Variants in ILRUN observed in about 807,000 individuals in gnomAD.
ILRUN encodes protein ILRUN.
A neutral mutation model predicts 33.8 loss-of-function variants in ILRUN; 3 were observed. The observed-to-expected ratio is 0.09, with a 90% CI of 0.04 to 0.23. The LOEUF (loss-of-function observed/expected upper bound fraction) is 0.23, where lower values mean the gene tolerates loss of function less well. Among genes scored for constraint, ILRUN ranks in the 10% least tolerant of loss-of-function variants. The probability of loss-of-function intolerance (pLI) is 1.00; values close to 1 mark genes in which losing one functional copy is unlikely to be tolerated. For synonymous variants in ILRUN, 124 were observed against 138.9 expected (o/e 0.89, Z 0.75); for missense variants, 210 against 375.1 (o/e 0.56, Z 3.64).
At chr6:34,609,368 T>C (rs1761697469) in intron 3 of ILRUN, among the ~76,000 whole-genome samples, 1 of 152,148 alleles carries the variant, frequency 6.6e-6, no homozygotes. Flanking sequence ...TGCACGCCTG[T>C]AGTCTTGGCT....
intron 3 of ILRUN, among the ~76,000 whole-genome samples, chr6:34,645,942 T>C (rs1762554908): frequency 1.3e-5 from 2 of 152,168 alleles, no homozygotes; most frequent in South Asian, 4.1e-4. Context: ...AGAGATGTCC[T>C]ATGAGTCTAA....
intron 1 of ILRUN, chr6:34,685,213 G>A (rs1460010098): frequency 6.6e-6 from 1 of 152,170 alleles, no homozygotes; most frequent in Non-Finnish European, 1.5e-5. Flanking sequence ...ATGAACTGGG[G>A]TGTCCAGAAA....
intron 1 of ILRUN, among the ~76,000 whole-genome samples, chr6:34,694,756 G>GA (rs754920405): frequency 0.017 from 2,477 of 149,382 alleles, 51 homozygotes; most frequent in African/African-American, 0.043. Context: ...ATGATGCACA[G>GA]AAAAAAAAAA....
At chr6:34,617,624 A>G (rs1454865254) in intron 3 of ILRUN, among the ~76,000 whole-genome samples, 1 of 152,158 alleles carries the variant, frequency 6.6e-6, no homozygotes, top group African/African-American at 2.4e-5. Context: ...TCAGCTTCTC[A>G]GTGACCTCCT....
In ILRUN at chr6:34,642,825, C is replaced by CAAA. The variant is rs57866309; in HGVS notation, c.511+3773_511+3775dup. ...CAACATAGGGAGGTCCCGTCTCTAC[C>CAAA]AAAAAAAAAAAAAAAAAAAAAAAAA... is the stretch of plus-strand genomic sequence containing the variant. On this transcript the variant is annotated intron_variant, in intron 3 of 4. Transcript: ENST00000374023. Among the ~76,000 whole-genome samples, 269 of 42,950 alleles carry CAAA rather than the reference C, an allele frequency of 6.3e-3. 13 individuals carry two copies. Among genetic ancestry groups the CAAA allele is most frequent in the African/African-American group, 9.5e-3 (101 of 10,632 alleles). 28.2% of individuals were successfully genotyped at this position (42,950 alleles called of 152,430 possible).
At chr6:34,656,721 T>G (rs1007517124) in intron 1 of ILRUN, among the ~76,000 whole-genome samples, 1 of 152,248 alleles carries the variant, frequency 6.6e-6, no homozygotes, top group African/African-American at 2.4e-5. Flanking sequence ...GGGGCCTGCC[T>G]GCTCCTCCAG....
intron 4 of ILRUN, among the ~76,000 whole-genome samples, chr6:34,601,404 G>A (rs532038233): frequency 6.7e-6 from 1 of 149,384 alleles, no homozygotes; most frequent in East Asian, 1.9e-4. Flanking sequence ...CTTTCATGGA[G>A]AGGATCTGCA....
At chr6:34,610,262 A>G (rs537616618) in intron 3 of ILRUN, among the ~76,000 whole-genome samples, 2 of 152,328 alleles carry the variant, frequency 1.3e-5, no homozygotes, top group Admixed American at 1.3e-4. Flanking sequence ...AACACCACAC[A>G]TGTAGTGTGC....
At chr6:34,635,612 C>CT (rs778064465) in intron 3 of ILRUN, among the ~76,000 whole-genome samples, 3,740 of 104,540 alleles carry the variant, frequency 0.036, 308 homozygotes, top group African/African-American at 0.12. Flanking sequence ...TCTTAGAAAG[C>CT]TTTTTTTTTT....
chr6:34,654,733 T>C lies in ILRUN; in HGVS notation c.205A>G (p.Asn69Asp). The C allele has an allele frequency of 6.2e-7, 1 of 1,614,050 alleles. No homozygotes were observed. The highest frequency in any genetic ancestry group is 8.5e-7 in the Non-Finnish European group (1 of 1,179,982). Residue 69 changes from asparagine to aspartate, a missense_variant, in exon 2 of 5, where the codon AAC becomes GAC. Physicochemically the swap from Asn to Asp is conservative, Grantham distance 23. Around this residue, in one of 4 missense-constraint regions of ILRUN, gnomAD observed 61 missense variants for 94.4 expected, o/e 0.65. Transcript: ENST00000374023. ...AAGGACATAGAGGGCACACTGATGTTTGGGCTCTCAAAGTCATAATAGGCG... is the reference window on the plus strand; with the variant it reads ...AAGGACATAGAGGGCACACTGATGTCTGGGCTCTCAAAGTCATAATAGGCG... ...IGAYYDFESP[N>D]ISVPSMSFVE...
chr6:34,688,717 G>C (rs1763581327), intron 1 of ILRUN, among the ~76,000 whole-genome samples: 1 of 152,164 alleles, frequency 6.6e-6, no homozygotes, highest in South Asian at 2.1e-4. Context: ...GGACGCTAAG[G>C]TAGGAGAATC....
At chr6:34,653,970 CAAAA>C (rs34498804) in intron 2 of ILRUN, among the ~76,000 whole-genome samples, 3 of 81,074 alleles carry the variant, frequency 3.7e-5, no homozygotes, top group African/African-American at 4.1e-5. Flanking sequence ...GATGCTGTCT[CAAAA>C]AAAAAAAAAA....
In ILRUN at chr6:34,627,622, G is replaced by A. The variant is rs150312455; in HGVS notation, c.511+18979C>T. ...TTGTAATGTCCTGAAAACATATAAC[G>A]GTGAATATCTTCTCGTAAGTTTTTA... On this transcript the variant is annotated intron_variant, in intron 3 of 4. Transcript: ENST00000374023. Among the ~76,000 whole-genome samples the A allele has an allele frequency of 1.2e-3, 181 of 152,032 alleles. 2 individuals carry two copies. The highest frequency in any genetic ancestry group is 2.6e-3 in the Admixed American group (40 of 15,260).
intron 3 of ILRUN, among the ~76,000 whole-genome samples, chr6:34,643,964 A>G (rs1415300271): frequency 1.3e-5 from 2 of 152,242 alleles, no homozygotes; most frequent in African/African-American, 2.4e-5. Context: ...GGCCTCCCAG[A>G]GTGCTGGTAT....
intron 1 of ILRUN, among the ~76,000 whole-genome samples, chr6:34,685,016 T>C (rs768786302): frequency 7.9e-5 from 12 of 152,304 alleles, no homozygotes; most frequent in Non-Finnish European, 1.3e-4. Flanking sequence ...CTAGCAGTGG[T>C]ATGTCCACAA....
At chr6:34,650,214 G>C (rs1331383563) in intron 2 of ILRUN, among the ~76,000 whole-genome samples, 1 of 152,030 alleles carries the variant, frequency 6.6e-6, no homozygotes. Flanking sequence ...TATTTTTAGA[G>C]GGACAGTTTT....
intron 1 of ILRUN, among the ~76,000 whole-genome samples, chr6:34,681,929 T>G (rs911132377): frequency 1.4e-5 from 2 of 145,234 alleles, no homozygotes; most frequent in Non-Finnish European, 3.0e-5. Context: ...CTCAGCTCAC[T>G]GCAACTCTGC....
chr6:34,690,970 C>T (rs554217719), intron 1 of ILRUN, among the ~76,000 whole-genome samples: 4 of 152,094 alleles, frequency 2.6e-5, no homozygotes, highest in African/African-American at 7.2e-5. Context: ...CTGCAAGCTC[C>T]GCCTCCTGGG....
intron 3 of ILRUN, among the ~76,000 whole-genome samples, chr6:34,609,651 A>G (rs908811381): frequency 1.3e-5 from 2 of 152,210 alleles, no homozygotes; most frequent in African/African-American, 4.8e-5. Flanking sequence ...TTATACAACC[A>G]TAAAAACTTA....
Sources: gnomAD v4.1 joint callset for allele counts (sites outside exome capture counted in the v4.1 genomes callset) on GRCh38, gnomAD v4.1.1 for gene constraint, gnomAD v4.1.1 regional missense constraint, MANE v1.5 for transcripts, NCBI Gene and HGNC (gene_info 2026-07-23, HGNC 2026-07-21) for gene names.